Variants in NELL2 observed in about 807,000 individuals in gnomAD.
The protein encoded by NELL2 is protein kinase C-binding protein NELL2.
Under a neutral mutation model 109.6 loss-of-function variants are expected in NELL2, and 41 were observed. The ratio of observed to expected loss-of-function variants is 0.37; its 90% CI spans 0.29 to 0.49. The LOEUF is 0.49. Ranked by LOEUF, NELL2 falls within the 20% of genes least tolerant of loss-of-function variation. The pLI is 0.98. For missense variants in NELL2, 900 were observed against 1,008.3 expected, an observed-to-expected ratio of 0.89 and a Z score of 1.45; for synonymous variants, 355 against 344.7, an observed-to-expected ratio of 1.03 and a Z score of -0.33.
At chr12:44,583,931 C>T (rs1055599386) in intron 15 of NELL2, among the ~76,000 whole-genome samples, 1 of 152,146 alleles carries the variant, frequency 6.6e-6, no homozygotes, top group Non-Finnish European at 1.5e-5. Context: ...CACCACCACA[C>T]CTGGCTAATT....
intron 2 of NELL2, among the ~76,000 whole-genome samples, chr12:44,816,405 C>T (rs1943353042): frequency 6.6e-6 from 1 of 152,060 alleles, no homozygotes; most frequent in Non-Finnish European, 1.5e-5. Flanking sequence ...ATCAAAAAAC[C>T]TTACTTGGGG....
At chr12:44,803,470 T>C (rs973451638) in intron 3 of NELL2, among the ~76,000 whole-genome samples, 4 of 152,106 alleles carry the variant, frequency 2.6e-5, no homozygotes, top group Middle Eastern at 3.4e-3. Flanking sequence ...TGTCAGTAAA[T>C]GGCTCAGAGG....
chr12:44,750,696 C>A (rs749031225), intron 9 of NELL2, among the ~76,000 whole-genome samples: 1 of 152,016 alleles, frequency 6.6e-6, no homozygotes, highest in African/African-American at 2.4e-5. Context: ...CGGGTCAAAG[C>A]GTTCAGGAAA....
At chr12:44,564,791 T>A (rs1209644464) in intron 15 of NELL2, among the ~76,000 whole-genome samples, 3 of 152,222 alleles carry the variant, frequency 2.0e-5, no homozygotes, top group Admixed American at 2.0e-4. Flanking sequence ...GTCTCACTTT[T>A]TCTTTCATTA....
At chr12:44,819,672 G>A (rs1334170653) in intron 2 of NELL2, among the ~76,000 whole-genome samples, 1 of 151,978 alleles carries the variant, frequency 6.6e-6, no homozygotes, top group African/African-American at 2.4e-5. Context: ...ACTCATGCAG[G>A]GTCACAATTC....
intron 19 of NELL2, 129 bp from the exon 20 acceptor site, chr12:44,509,113 G>A: frequency 1.4e-6 from 1 of 729,540 alleles, no homozygotes; most frequent in Non-Finnish European, 2.3e-6. Flanking sequence ...AAATTCAATG[G>A]CCCAATCACT....
At chr12:44,695,555 G>A (rs1356082940) in intron 12 of NELL2, among the ~76,000 whole-genome samples, 1 of 152,002 alleles carries the variant, frequency 6.6e-6, no homozygotes, top group African/African-American at 2.4e-5. Context: ...TCATTAGCCG[G>A]GCATGATGGC....
At chr12:44,914,027 C>T, upstream of NELL2, 1 of 262,842 alleles carries the variant, frequency 3.8e-6, no homozygotes, top group South Asian at 8.4e-5. Flanking sequence ...TAGACAGAAT[C>T]TGGCAGTTAC....
At position 44,777,112 on chromosome 12, in the gene NELL2, C is replaced by T; in HGVS notation, c.692G>A (p.Cys231Tyr). 6.2e-7 allele frequency: 1 copy of T among 1,613,930 alleles called. No individual in the cohort carries two copies. The highest frequency in any genetic ancestry group is 8.5e-7 in the Non-Finnish European group (1 of 1,179,892). The change falls in exon 7 of 20, where the codon TGC becomes TAC. Residue 231 changes from cysteine (C) to tyrosine (Y), a missense_variant. By Grantham distance (194) the Cys-to-Tyr change is radical. This residue lies in a region of NELL2 where 75 missense variants were observed against 118.9 expected (regional missense o/e 0.63). Coordinates refer to ENST00000429094, the MANE Select transcript of NELL2 (RefSeq NM_001145108.2). Reference sequence around the variant, plus strand: ...CTGCACAAGTCCATGGAAGTCATTGCAAGTTGGACAGGCTGGAATTACAAA... The same window carrying T: ...CTGCACAAGTCCATGGAAGTCATTGTAAGTTGGACAGGCTGGAATTACAAA... ...CPDLNRTCPT[C>Y]NDFHGLVQKI...
At chr12:44,710,673 C>T (rs1938148531) in intron 11 of NELL2, among the ~76,000 whole-genome samples, 1 of 152,022 alleles carries the variant, frequency 6.6e-6, no homozygotes, top group Non-Finnish European at 1.5e-5. Context: ...TTTTGAATAG[C>T]ACAAATTTTA....
chr12:44,911,986 A>T (rs1054194250), intron 1 of NELL2, among the ~76,000 whole-genome samples: 6 of 151,028 alleles, frequency 4.0e-5, no homozygotes, highest in Non-Finnish European at 5.9e-5. Flanking sequence ...AAAATTTAAA[A>T]AAATAAATAA....
At chr12:44,742,474 T>C (rs529660831) in intron 9 of NELL2, among the ~76,000 whole-genome samples, 9 of 151,920 alleles carry the variant, frequency 5.9e-5, no homozygotes, top group African/African-American at 1.7e-4. Flanking sequence ...CTTTGACGAG[T>C]TGAGAGAAGA....
chr12:44,774,517 A>G (rs1941671885), intron 9 of NELL2: 1 of 459,338 alleles, frequency 2.2e-6, no homozygotes, highest in African/African-American at 2.0e-5. Flanking sequence ...TACTACTATC[A>G]CTATATGGAA....
chr12:44,644,816 T>C (rs963231676), intron 13 of NELL2, among the ~76,000 whole-genome samples: 1 of 151,506 alleles, frequency 6.6e-6, no homozygotes, highest in African/African-American at 2.4e-5. Flanking sequence ...ATTCTGGGTG[T>C]CCACTGATGA....
At chr12:44,678,216 C>T (rs953796256) in intron 12 of NELL2, among the ~76,000 whole-genome samples, 2 of 152,014 alleles carry the variant, frequency 1.3e-5, no homozygotes, top group Admixed American at 1.3e-4. Flanking sequence ...GGTAGGCAGT[C>T]ATCACCTTTT....
At chr12:44,622,607 A>C (rs1456252551) in intron 13 of NELL2, among the ~76,000 whole-genome samples, 1 of 152,204 alleles carries the variant, frequency 6.6e-6, no homozygotes, top group East Asian at 1.9e-4. Flanking sequence ...TTCCTAAGAA[A>C]AACAACCATA....
At chr12:44,747,868 T>C (rs1286029891) in intron 9 of NELL2, among the ~76,000 whole-genome samples, 4 of 152,150 alleles carry the variant, frequency 2.6e-5, no homozygotes, top group Admixed American at 2.6e-4. Flanking sequence ...TCCTTTGGTA[T>C]AGCAGAGGAA....
At chr12:44,640,852 A>G (rs1015344125) in intron 13 of NELL2, among the ~76,000 whole-genome samples, 1 of 152,214 alleles carries the variant, frequency 6.6e-6, no homozygotes, top group Non-Finnish European at 1.5e-5. Context: ...TTGGAATCCA[A>G]CATGGTTGGG....
intron 2 of NELL2, among the ~76,000 whole-genome samples, chr12:44,819,580 C>G (rs1007368177): frequency 5.3e-5 from 8 of 152,186 alleles, no homozygotes; most frequent in Non-Finnish European, 1.2e-4. Context: ...GAGACCCACA[C>G]AGCAGAACCA....
Sources: allele counts gnomAD v4.1 joint callset (sites outside exome capture counted in the v4.1 genomes callset), GRCh38; gene constraint gnomAD v4.1.1; regional missense constraint gnomAD v4.1.1; transcripts MANE v1.5; gene names NCBI Gene and HGNC (gene_info 2026-07-23, HGNC 2026-07-21).